The following LARGE1 variants were observed in gnomAD, a reference collection of about 807,000 sequenced individuals.
LARGE1 encodes LARGE xylosyl- and glucuronyltransferase 1, also known as xylosyl- and glucuronyltransferase LARGE1.
LARGE1 carries 43 observed loss-of-function variants against 87.6 expected under a neutral mutation model. That is an observed-to-expected ratio of 0.49 (90% CI 0.38 to 0.63). The LOEUF (loss-of-function observed/expected upper bound fraction) is 0.63, where lower values mean the gene tolerates loss of function less well. LARGE1 is among the 30% of genes least tolerant of loss of function. The probability of loss-of-function intolerance (pLI) is 0.00; values close to 1 mark genes in which losing one functional copy is unlikely to be tolerated. For missense variants in LARGE1, 802 were observed against 1,000.2 expected (o/e 0.80, Z 2.67); for synonymous variants, 434 against 394.6 (o/e 1.10, Z -1.18).
intron 11 of LARGE1, among the ~76,000 whole-genome samples, chr22:33,200,545 T>C (rs137444): frequency 0.56 from 85,317 of 151,612 alleles, 24,306 homozygotes; most frequent in Middle Eastern, 0.62. Context: ...TCAGAATTTA[T>C]TCATAACAGC....
At chr22:33,527,749 C>A (rs1023607754) in intron 6 of LARGE1, among the ~76,000 whole-genome samples, 1 of 151,908 alleles carries the variant, frequency 6.6e-6, no homozygotes, top group Admixed American at 6.6e-5. Flanking sequence ...CCAGAACAAA[C>A]CATAATAACA....
the LARGE1 span, among the ~76,000 whole-genome samples, chr22:33,100,443 C>T: frequency 6.6e-6 from 1 of 151,166 alleles, no homozygotes; most frequent in Non-Finnish European, 1.5e-5. Context: ...CTCAGTTGTA[C>T]TGGTCACATG....
At chr22:33,150,621 T>C in the LARGE1 span, among the ~76,000 whole-genome samples, 2 of 152,226 alleles carry the variant, frequency 1.3e-5, no homozygotes, top group Non-Finnish European at 2.9e-5. Context: ...TTTTAGTTTC[T>C]GTATAAAGTG....
At chr22:33,550,795 C>T (rs780553923) in intron 6 of LARGE1, among the ~76,000 whole-genome samples, 7 of 152,160 alleles carry the variant, frequency 4.6e-5, no homozygotes, top group African/African-American at 1.2e-4. Flanking sequence ...AATCAACCGA[C>T]GTGCCCATCA....
intron 2 of LARGE1, among the ~76,000 whole-genome samples, chr22:33,661,253 T>C (rs1324763524): frequency 2.0e-5 from 3 of 151,404 alleles, no homozygotes; most frequent in African/African-American, 7.3e-5. Flanking sequence ...TCTCGCTCTG[T>C]TGCCCAGGCT....
At chr22:33,286,397 A>G (rs908785007) in intron 12 of LARGE1, among the ~76,000 whole-genome samples, 1 of 152,114 alleles carries the variant, frequency 6.6e-6, no homozygotes, top group Non-Finnish European at 1.5e-5. Flanking sequence ...ATATACTTGG[A>G]CCAAGACAGC....
At chr22:33,284,036 C>T (rs1020527233) in intron 12 of LARGE1, among the ~76,000 whole-genome samples, 3 of 152,224 alleles carry the variant, frequency 2.0e-5, no homozygotes, top group South Asian at 2.1e-4. Flanking sequence ...CTGCTGTCCC[C>T]GAGACAGAGA....
chr22:33,497,641 T>C (rs1335596163), intron 6 of LARGE1, among the ~76,000 whole-genome samples: 1 of 152,224 alleles, frequency 6.6e-6, no homozygotes, highest in Admixed American at 6.5e-5. Context: ...GTGTCCAGTA[T>C]ATGTTCAATA....
intron 2 of LARGE1, among the ~76,000 whole-genome samples, chr22:33,740,639 A>G (rs2083845736): frequency 6.6e-6 from 1 of 152,190 alleles, no homozygotes; most frequent in Non-Finnish European, 1.5e-5. Flanking sequence ...GAGAAAAAGA[A>G]GGGGTTAGGG....
chr22:33,206,643 A>G (rs1924701244), intron 11 of LARGE1, among the ~76,000 whole-genome samples: 1 of 152,226 alleles, frequency 6.6e-6, no homozygotes, highest in Admixed American at 6.5e-5. Context: ...TATGGAAAGC[A>G]TAGCACAGTC....
At chr22:33,279,780 C>A (rs1014044200) in intron 13 of LARGE1, among the ~76,000 whole-genome samples, 12 of 152,200 alleles carry the variant, frequency 7.9e-5, no homozygotes, top group African/African-American at 2.9e-4. Context: ...AGTTGCTTTT[C>A]CATTTGTGAA....
chr22:33,390,688 T>C (rs2065485063), intron 7 of LARGE1, among the ~76,000 whole-genome samples: 1 of 122,770 alleles, frequency 8.1e-6, no homozygotes, highest in South Asian at 2.7e-4. Flanking sequence ...TTTTGTTGTG[T>C]GTTTTTTTTT....
intron 1 of LARGE1, among the ~76,000 whole-genome samples, chr22:33,844,754 CTT>C (rs1051154630): frequency 3.6e-4 from 54 of 149,500 alleles, no homozygotes; most frequent in Admixed American, 3.5e-3. Flanking sequence ...GAGTTTGGCT[CTT>C]GTTGCCCAGG....
intron 11 of LARGE1, among the ~76,000 whole-genome samples, chr22:33,223,815 A>G (rs1008111175): frequency 2.0e-5 from 3 of 152,194 alleles, no homozygotes; most frequent in Admixed American, 1.3e-4. Context: ...GTCTGGTACC[A>G]GACCCTTCCG....
intron 5 of LARGE1, among the ~76,000 whole-genome samples, chr22:33,601,835 G>A (rs1000741357): frequency 1.3e-5 from 2 of 151,958 alleles, no homozygotes; most frequent in Admixed American, 6.6e-5. Flanking sequence ...TATTTATTTC[G>A]GATGTATATA....
At chr22:33,074,267 C>T in the LARGE1 span, among the ~76,000 whole-genome samples, 8 of 152,158 alleles carry the variant, frequency 5.3e-5, no homozygotes, top group Non-Finnish European at 7.3e-5. Flanking sequence ...CTCATTCATA[C>T]ATTGTTGTGA....
chr22:33,259,910 A>T (rs578027942), intron 11 of LARGE1, among the ~76,000 whole-genome samples: 1 of 152,280 alleles, frequency 6.6e-6, no homozygotes, highest in East Asian at 1.9e-4. Flanking sequence ...CTGACCCTGG[A>T]GAGACTGGCC....
intron 10 of LARGE1, among the ~76,000 whole-genome samples, chr22:33,326,611 C>A (rs1937265636): frequency 6.6e-6 from 1 of 152,136 alleles, no homozygotes; most frequent in African/African-American, 2.4e-5. Context: ...AGCTGGCAGT[C>A]CAGCTGGGAT....
At chr22:33,338,346 C>T (rs1472244965) in intron 9 of LARGE1, among the ~76,000 whole-genome samples, 2 of 152,106 alleles carry the variant, frequency 1.3e-5, no homozygotes, top group Non-Finnish European at 2.9e-5. Flanking sequence ...GCAGTTTTTC[C>T]CACACTCAGA....
Sources: gnomAD v4.1 joint callset for allele counts (sites outside exome capture counted in the v4.1 genomes callset) on GRCh38, gnomAD v4.1.1 for gene constraint, MANE v1.5 for transcripts, NCBI Gene and HGNC (gene_info 2026-07-23, HGNC 2026-07-21) for gene names.